The following ABI2 variants were observed in gnomAD, a reference collection of about 807,000 sequenced individuals.
The protein encoded by ABI2 is abelson interactor 2.
Under a neutral mutation model 59.2 loss-of-function variants are expected in ABI2, and 25 were observed. The observed-to-expected ratio is 0.42, with a 90% CI of 0.31 to 0.59. The LOEUF (loss-of-function observed/expected upper bound fraction) is 0.59, where lower values mean the gene tolerates loss of function less well. Among genes scored for constraint, ABI2 ranks in the 20% least tolerant of loss-of-function variants. The pLI is 0.14. For synonymous variants in ABI2, 213 were observed against 235.5 expected (o/e 0.90, Z 0.87); for missense variants, 545 against 681.8 (o/e 0.80, Z 2.23).
intron 4 of ABI2, 131 bp downstream of exon 4, chr2:203,382,337 T>C: frequency 1.2e-6 from 1 of 825,542 alleles, no homozygotes; most frequent in Non-Finnish European, 1.8e-6. Context: ...GTTTTATTTT[T>C]TGTCATGCAA....
intron 1 of ABI2, among the ~76,000 whole-genome samples, chr2:203,361,453 G>T (rs1406514951): frequency 6.6e-6 from 1 of 152,164 alleles, no homozygotes; most frequent in African/African-American, 2.4e-5. Context: ...GGGCAACGTA[G>T]TAAGACCCTG....
chr2:203,401,043 T>C (rs1304587432), intron 8 of ABI2, among the ~76,000 whole-genome samples: 1 of 152,152 alleles, frequency 6.6e-6, no homozygotes, highest in Non-Finnish European at 1.5e-5. Context: ...AGGATAACCT[T>C]AGGCACAAAT....
At chr2:203,423,920 T>G (rs2098328998) in intron 11 of ABI2, among the ~76,000 whole-genome samples, 1 of 152,252 alleles carries the variant, frequency 6.6e-6, no homozygotes, top group Admixed American at 6.5e-5. Context: ...CAATGTACTT[T>G]GAAATTTAGA....
intron 5 of ABI2, among the ~76,000 whole-genome samples, chr2:203,393,622 G>A (rs888548629): frequency 2.6e-5 from 4 of 152,134 alleles, no homozygotes; most frequent in Non-Finnish European, 5.9e-5. Flanking sequence ...ATTGCAAAGT[G>A]ATCTCATGCA....
chr2:203,332,058 C>T (rs1004137565), intron 1 of ABI2, among the ~76,000 whole-genome samples: 13 of 151,726 alleles, frequency 8.6e-5, no homozygotes, highest in African/African-American at 3.1e-4. Flanking sequence ...GACCCACCCA[C>T]CTCGGCCTCC....
Position 203,417,035 on chromosome 2 carries a change from T to C in ABI2, c.1407T>C (p.Tyr469=), listed in dbSNP as rs140922536. The change falls in exon 11 of 12, where the codon TAT becomes TAC. Residue 469 remains tyrosine (Y), a synonymous_variant. Coordinates refer to ENST00000261018, the MANE Select transcript of ABI2 (RefSeq NM_001375670.1). ...CTGTGGTTGAGTATAGTGATCCTTA[T>C]GCTGAAGAGGACCCACCGTGGGCTC... ...EAAVVEYSDP[Y]AEEDPPWAPR... The C allele has an allele frequency of 3.7e-3, 5,893 of 1,614,034 alleles. 27 individuals carry two copies. Among genetic ancestry groups the C allele is most frequent in the Non-Finnish European group, 3.9e-3 (4,560 of 1,179,976 alleles).
At chr2:203,343,150 G>A (rs1290531608) in intron 1 of ABI2, among the ~76,000 whole-genome samples, 3 of 152,162 alleles carry the variant, frequency 2.0e-5, no homozygotes, top group African/African-American at 4.8e-5. Context: ...GATCACGTGA[G>A]GTCAGGAGTT....
At chr2:203,334,699 C>T (rs569964625) in intron 1 of ABI2, among the ~76,000 whole-genome samples, 2 of 148,768 alleles carry the variant, frequency 1.3e-5, no homozygotes, top group South Asian at 4.2e-4. Flanking sequence ...GAGTCTCTGT[C>T]GCCCAGGCTG....
At position 203,384,244 on chromosome 2, in the gene ABI2, A is replaced by G. The variant is rs375436946; in HGVS notation, c.480+2038A>G. Among the ~76,000 whole-genome samples, 38 of 150,896 alleles carry G rather than the reference A, an allele frequency of 2.5e-4. No homozygotes were observed. In the East Asian group the frequency reaches 7.3e-3, roughly 29 times the overall value. On this transcript the variant is annotated intron_variant, in intron 4 of 11. Coordinates refer to ENST00000261018, the MANE Select transcript of ABI2 (RefSeq NM_001375670.1). ...ATACCTAAGGCCATATAAAAGTGGA[A>G]TGTACCTTGAACTGGTTCCTGTTCC...
At chr2:203,383,198 A>G (rs1226774859) in intron 4 of ABI2, 2 of 154,760 alleles carry the variant, frequency 1.3e-5, no homozygotes, top group Non-Finnish European at 2.9e-5. Context: ...TGAATCATTA[A>G]CTAGTACTAA....
At chr2:203,336,124 G>T (rs1031802834) in intron 1 of ABI2, among the ~76,000 whole-genome samples, 3 of 152,140 alleles carry the variant, frequency 2.0e-5, no homozygotes, top group African/African-American at 7.2e-5. Context: ...ATTGTGTTTT[G>T]TCAGTACTTT....
At chr2:203,403,988 A>G (rs1485501386) in intron 9 of ABI2, among the ~76,000 whole-genome samples, 1 of 151,860 alleles carries the variant, frequency 6.6e-6, no homozygotes, top group Non-Finnish European at 1.5e-5. Flanking sequence ...CCTGACCTTA[A>G]GTGATTCACC....
chr2:203,358,071 T>TGTGTGTGTGTGTG (rs1234117326), intron 1 of ABI2, among the ~76,000 whole-genome samples: 2 of 128,782 alleles, frequency 1.6e-5, no homozygotes, highest in African/African-American at 6.1e-5. Flanking sequence ...CCTGGCCTGT[T>TGTGTGTGTGTGTG]TGTGTGTGTG....
intron 1 of ABI2, 87 bp downstream of exon 1, chr2:203,328,718 G>A (rs2070223395): frequency 2.4e-6 from 2 of 837,564 alleles, no homozygotes; most frequent in Admixed American, 4.1e-5. Context: ...GCCGCCTCGG[G>A]GACACGGCCC....
At chr2:203,344,420 C>T (rs1196379409) in intron 1 of ABI2, among the ~76,000 whole-genome samples, 1 of 151,618 alleles carries the variant, frequency 6.6e-6, no homozygotes, top group Non-Finnish European at 1.5e-5. Flanking sequence ...GGTTGGAGTG[C>T]AGGGGCGTGA....
intron 1 of ABI2, among the ~76,000 whole-genome samples, chr2:203,345,422 T>A (rs2082743894): frequency 6.6e-6 from 1 of 152,098 alleles, no homozygotes; most frequent in Non-Finnish European, 1.5e-5. Context: ...ACGGGTTCAT[T>A]CTTGAAGTCA....
In ABI2 at chr2:203,431,765, T is replaced by G. The variant is rs572587633; in HGVS notation, c.*4413T>G. The stretch of plus-strand genomic sequence containing the variant: ...GTATAAATGATCCTTGCTGAATATC[T>G]TAAGGTTTTTTGTAAGAAAAAAGAA... On this transcript the variant is annotated 3_prime_UTR_variant, in exon 12 of 12. Coordinates refer to ENST00000261018, the MANE Select transcript of ABI2 (RefSeq NM_001375670.1). 2.6e-5 allele frequency: 4 copies of G among 151,900 alleles called. No homozygotes were observed. In the South Asian group the frequency reaches 8.3e-4, roughly 32 times the overall value. 9.4% of individuals were successfully genotyped at this position (151,900 alleles called of 1,614,324 possible). A position where few individuals can be genotyped will look rare whatever the true frequency, so the allele number is the denominator to read the frequency against.
intron 1 of ABI2, among the ~76,000 whole-genome samples, chr2:203,362,308 G>T (rs2093625779): frequency 6.6e-6 from 1 of 152,084 alleles, no homozygotes; most frequent in African/African-American, 2.4e-5. Context: ...TATAATGTTA[G>T]ATAAAATAAC....
intron 1 of ABI2, among the ~76,000 whole-genome samples, chr2:203,336,609 C>T (rs920098324): frequency 6.6e-6 from 1 of 152,172 alleles, no homozygotes; most frequent in African/African-American, 2.4e-5. Flanking sequence ...TTAGTTGCAG[C>T]ATGGCATTGG....
Sources: gnomAD v4.1 joint callset for allele counts (sites outside exome capture counted in the v4.1 genomes callset) on GRCh38, gnomAD v4.1.1 for gene constraint, MANE v1.5 for transcripts, NCBI Gene and HGNC (gene_info 2026-07-23, HGNC 2026-07-21) for gene names.